The following EYS variants were observed in gnomAD, a reference collection of about 807,000 sequenced individuals.
The protein encoded by EYS is EGF-like photoreceptor maintenance factor.
EYS carries 250 observed loss-of-function variants against 282.1 expected under a neutral mutation model. The observed-to-expected ratio is 0.89, with a 90% confidence interval of 0.80 to 0.98. The LOEUF is 0.98. Among genes scored for constraint, EYS ranks in the 50% least tolerant of loss-of-function variants. The probability of loss-of-function intolerance (pLI) is 0.00; values close to 1 mark genes in which losing one functional copy is unlikely to be tolerated. For missense variants in EYS, 4,016 were observed against 3,709.0 expected (o/e 1.08, Z -2.15); for synonymous variants, 1,355 against 1,282.9 (o/e 1.06, Z -1.20).
At chr6:63,731,744 T>C (rs544744786) in intron 41 of EYS, among the ~76,000 whole-genome samples, 1 of 152,202 alleles carries the variant, frequency 6.6e-6, no homozygotes, top group Non-Finnish European at 1.5e-5. Context: ...TATAAGCAGA[T>C]AGCTAATATT....
intron 36 of EYS, among the ~76,000 whole-genome samples, chr6:63,838,613 A>G (rs564570817): frequency 1.3e-5 from 2 of 152,270 alleles, no homozygotes; most frequent in African/African-American, 2.4e-5. Flanking sequence ...GTTCCTTCAC[A>G]AAAGTTTCTT....
intron 35 of EYS, among the ~76,000 whole-genome samples, chr6:63,953,547 C>T (rs1188172361): frequency 2.0e-5 from 3 of 152,166 alleles, no homozygotes; most frequent in Admixed American, 6.5e-5. Context: ...AACCCCAACC[C>T]TTTCTACAAA....
At chr6:65,317,777 T>C (rs13213186) in intron 11 of EYS, among the ~76,000 whole-genome samples, 9,531 of 58,094 alleles carry the variant, frequency 0.16, 1,697 homozygotes, top group African/African-American at 0.26. Context: ...CTACATTTTC[T>C]CTTCCTTCCT....
chr6:65,346,136 C>A (rs756716328), intron 9 of EYS, among the ~76,000 whole-genome samples: 5 of 151,686 alleles, frequency 3.3e-5, no homozygotes, highest in Non-Finnish European at 5.9e-5. Context: ...GGTCCCCTAG[C>A]GAAAGCCTAG....
chr6:64,183,232 G>A (rs1272456554), intron 31 of EYS, among the ~76,000 whole-genome samples: 2 of 152,152 alleles, frequency 1.3e-5, no homozygotes, highest in Admixed American at 1.3e-4. Flanking sequence ...ATGCGGAACT[G>A]TGAGTTAATT....
chr6:65,517,146 G>C (rs952953449), intron 2 of EYS, among the ~76,000 whole-genome samples: 1 of 151,736 alleles, frequency 6.6e-6, no homozygotes, highest in Non-Finnish European at 1.5e-5. Flanking sequence ...ATGGAAATTG[G>C]ATTTAAACCA....
At chr6:64,512,418 G>T (rs1057074737) in intron 26 of EYS, among the ~76,000 whole-genome samples, 4 of 151,958 alleles carry the variant, frequency 2.6e-5, no homozygotes, top group Non-Finnish European at 5.9e-5. Context: ...TTAGGCTGAG[G>T]AAAGAGCACT....
At chr6:65,227,300 T>C (rs1766653125) in intron 12 of EYS, among the ~76,000 whole-genome samples, 1 of 152,144 alleles carries the variant, frequency 6.6e-6, no homozygotes, top group Admixed American at 6.6e-5. Flanking sequence ...AGAAGTTTAA[T>C]GATTACAAGG....
chr6:64,562,609 C>A (rs1765431550), intron 26 of EYS, among the ~76,000 whole-genome samples: 1 of 151,664 alleles, frequency 6.6e-6, no homozygotes, highest in Non-Finnish European at 1.5e-5. Context: ...GTAATTTTTC[C>A]TCTGCCCCTA....
chr6:64,349,921 A>AT (rs1771558903), intron 29 of EYS, among the ~76,000 whole-genome samples: 1 of 151,484 alleles, frequency 6.6e-6, no homozygotes, highest in Non-Finnish European at 1.5e-5. Flanking sequence ...AATAAATGGA[A>AT]TTTTAAGTCA....
Position 64,822,762 on chromosome 6 carries a change from A to G in EYS, c.3053T>C (p.Val1018Ala), listed in dbSNP as rs1229731475. The G allele has an allele frequency of 6.5e-7, 1 of 1,550,040 alleles. No homozygotes were observed. The highest frequency in any genetic ancestry group is 2.0e-5 in the Admixed American group (1 of 50,864). Residue 1018 changes from valine (V) to alanine (A), a missense_variant, in exon 20 of 43, where the codon GTT becomes GCT. Physicochemically the swap from Val to Ala is moderately conservative, Grantham distance 64. Transcript: ENST00000503581. ...CLSEPCLHDG[V>A]CIDGINHYTC... is the part of the protein sequence containing the mutation. The stretch of plus-strand genomic sequence containing the variant: ...ATAATGATTGATGCCATCGATACAA[A>G]CTCCATCATGGAGACAGGGCTCTGA...
intron 12 of EYS, among the ~76,000 whole-genome samples, chr6:65,291,103 T>A (rs1314665075): frequency 6.6e-6 from 1 of 151,558 alleles, no homozygotes; most frequent in Non-Finnish European, 1.5e-5. Flanking sequence ...TAAGAAAAGT[T>A]GTATCTTTAA....
chr6:64,712,829 G>A (rs555900958), intron 22 of EYS, among the ~76,000 whole-genome samples: 2 of 152,278 alleles, frequency 1.3e-5, no homozygotes, highest in African/African-American at 4.8e-5. Flanking sequence ...AAACTGAAAT[G>A]CTCTAAGGTA....
chr6:63,727,737 A>AATAT lies in EYS; in HGVS notation c.8072-1061_8072-1058dup, dbSNP rs70999122. Reference sequence around the variant, plus strand: ...AAAAAAAAAAAAAAAAAAAAAAAAAAATATATATATATATGTTAGCTGGGC... The same window carrying AATAT: ...AAAAAAAAAAAAAAAAAAAAAAAAAAATATATATATATATATATGTTAGCTGGGC... On this transcript the variant is annotated intron_variant, in intron 41 of 42. Transcript: ENST00000503581. 6.2e-3 allele frequency among the ~76,000 whole-genome samples: 226 copies of AATAT among 36,708 alleles called. 16 individuals are homozygous for AATAT. The highest frequency in any genetic ancestry group is 9.0e-3 in the East Asian group (11 of 1,222). The allele number at this position is 36,708 out of a possible 152,430, so 24.1% of individuals were successfully genotyped here.
chr6:63,783,178 T>G (rs1294444211), intron 39 of EYS, among the ~76,000 whole-genome samples: 1 of 152,190 alleles, frequency 6.6e-6, no homozygotes, highest in Non-Finnish European at 1.5e-5. Flanking sequence ...GTCCACTCTA[T>G]TCAGAGTAGT....
intron 30 of EYS, among the ~76,000 whole-genome samples, chr6:64,298,472 A>G (rs1769117466): frequency 1.3e-5 from 2 of 152,170 alleles, no homozygotes; most frequent in Non-Finnish European, 2.9e-5. Flanking sequence ...TATAAACTCA[A>G]CTTAGAGTGT....
At chr6:64,301,475 C>T (rs1769231264) in intron 30 of EYS, among the ~76,000 whole-genome samples, 1 of 152,158 alleles carries the variant, frequency 6.6e-6, no homozygotes, top group South Asian at 2.1e-4. Context: ...CAGATGGCCC[C>T]AGTACTATGC....
At chr6:64,315,127 T>C (rs1769896160) in intron 29 of EYS, among the ~76,000 whole-genome samples, 1 of 152,014 alleles carries the variant, frequency 6.6e-6, no homozygotes, top group South Asian at 2.1e-4. Flanking sequence ...CAAACTACCA[T>C]TAGAGAATAC....
At position 64,015,720 on chromosome 6, in the gene EYS, A is replaced by G. The variant is rs561899971; in HGVS notation, c.6726-16537T>C. Among the ~76,000 whole-genome samples the G allele has an allele frequency of 9.8e-5, 15 of 152,306 alleles. 1 individual carries two copies. In the South Asian group the frequency reaches 3.1e-3, roughly 32 times the overall value. On this transcript the variant is annotated intron_variant, in intron 33 of 42. Transcript: ENST00000503581. ...AGGTCCTCACAGAGGGTAAGAAGGA[A>G]AGACATTGTCATTCTCTGAGAGGTC...
Sources: gnomAD v4.1 joint callset for allele counts (sites outside exome capture counted in the v4.1 genomes callset) on GRCh38, gnomAD v4.1.1 for gene constraint, MANE v1.5 for transcripts, NCBI Gene and HGNC (gene_info 2026-07-23, HGNC 2026-07-21) for gene names.